The following STXBP5 variants were observed in gnomAD, a reference collection of about 807,000 sequenced individuals.
STXBP5 encodes the protein syntaxin binding protein 5.
In STXBP5, 50 loss-of-function variants were observed where a neutral mutation model predicts 152.4. The ratio of observed to expected loss-of-function variants is 0.33; its 90% confidence interval spans 0.26 to 0.42. STXBP5 has a LOEUF of 0.42. Among genes scored for constraint, STXBP5 ranks in the 10% least tolerant of loss-of-function variants. STXBP5 has a pLI of 1.00. For synonymous variants in STXBP5, 492 were observed against 494.7 expected, an observed-to-expected ratio of 0.99 and a Z score of 0.07; for missense variants, 1,167 against 1,388.6, an observed-to-expected ratio of 0.84 and a Z score of 2.54.
chr6:147,288,151 G>A (rs1327314741), intron 8 of STXBP5, among the ~76,000 whole-genome samples: 1 of 152,128 alleles, frequency 6.6e-6, no homozygotes, highest in Non-Finnish European at 1.5e-5. Context: ...TTAGGCAGCT[G>A]TAATACTTCC....
chr6:147,307,933 C>T (rs1336868455), intron 9 of STXBP5, among the ~76,000 whole-genome samples: 1 of 152,088 alleles, frequency 6.6e-6, no homozygotes, highest in African/African-American at 2.4e-5. Context: ...GGTTTGATCT[C>T]CCTGGGTGCT....
At chr6:147,314,211 G>A (rs1387683435) in intron 12 of STXBP5, 53 bp from the exon 13 acceptor site, 96 of 1,339,772 alleles carry the variant, frequency 7.2e-5, no homozygotes, top group Admixed American at 2.6e-4. Flanking sequence ...ACACACACAC[G>A]GAGGTATGTA....
chr6:147,251,787 C>T (rs1260974152), intron 4 of STXBP5, among the ~76,000 whole-genome samples: 1 of 152,096 alleles, frequency 6.6e-6, no homozygotes, highest in East Asian at 1.9e-4. Context: ...CCCCATGTAT[C>T]CTTACTGGGA....
chr6:147,231,314 C>T (rs1777995150), intron 2 of STXBP5, among the ~76,000 whole-genome samples: 1 of 151,736 alleles, frequency 6.6e-6, no homozygotes. Flanking sequence ...TCACATACAT[C>T]TTCTCTTCAT....
chr6:147,373,213 A>G (rs765515738), intron 25 of STXBP5, among the ~76,000 whole-genome samples: 19 of 151,852 alleles, frequency 1.3e-4, no homozygotes, highest in Admixed American at 2.6e-4. Context: ...ACAAAATACA[A>G]TAATTACCCA....
chr6:147,316,318 G>A lies in STXBP5; in HGVS notation c.1713G>A (p.Gly571=). 6.2e-7 allele frequency: 1 copy of A among 1,613,438 alleles called. No homozygotes were observed. The highest frequency in any genetic ancestry group is 1.1e-5 in the South Asian group (1 of 91,060). ...QPPPLPTPVG[G]SNPQPIPPQS... ...CACCTTTGCCAACACCCGTGGGAGG[G>A]TCCAACCCTCAGCCCATCCCTCCTC... The change falls in exon 16 of 28, where the codon GGG becomes GGA. Residue 571 remains glycine (G), a synonymous_variant. Coordinates refer to ENST00000321680, the MANE Select transcript of STXBP5 (RefSeq NM_001127715.4).
rs76786497 is a variant in STXBP5 at position 147,300,729 on chromosome 6, C to T, written c.918-9355C>T. On this transcript the variant is annotated intron_variant, in intron 9 of 27. Transcript: ENST00000321680. The stretch of plus-strand genomic sequence containing the variant: ...GGAAGAATACATGGGAAATGCTTCA[C>T]GATATGGGACTGGGCAAAGATTTTT... Among the ~76,000 whole-genome samples, 153 of 151,998 alleles carry T rather than the reference C, an allele frequency of 1.0e-3. 1 individual carries two copies. The highest frequency in any genetic ancestry group is 3.5e-3 in the African/African-American group (145 of 41,486).
chr6:147,307,145 A>G (rs1782134736), intron 9 of STXBP5, among the ~76,000 whole-genome samples: 1 of 152,310 alleles, frequency 6.6e-6, no homozygotes, highest in South Asian at 2.1e-4. Flanking sequence ...GAAGGTAATC[A>G]TTGGCAGAAA....
At chr6:147,214,049 A>G (rs1777034200) in intron 2 of STXBP5, among the ~76,000 whole-genome samples, 1 of 152,192 alleles carries the variant, frequency 6.6e-6, no homozygotes, top group African/African-American at 2.4e-5. Flanking sequence ...TCCCTTAGTC[A>G]TATGCAGCAC....
At chr6:147,330,009 T>C (rs1470960172) in intron 18 of STXBP5, among the ~76,000 whole-genome samples, 2 of 152,212 alleles carry the variant, frequency 1.3e-5, no homozygotes, top group African/African-American at 4.8e-5. Flanking sequence ...TTATAAAGAA[T>C]GTAGTTCACA....
intron 7 of STXBP5, among the ~76,000 whole-genome samples, chr6:147,273,676 G>C (rs1780290991): frequency 6.6e-6 from 1 of 152,146 alleles, no homozygotes; most frequent in South Asian, 2.1e-4. Flanking sequence ...TTGATGCCGG[G>C]CGTGGTGGCT....
chr6:147,211,600 G>T (rs367669964), intron 2 of STXBP5, among the ~76,000 whole-genome samples: 1 of 152,078 alleles, frequency 6.6e-6, no homozygotes, highest in South Asian at 2.1e-4. Flanking sequence ...TTGTTTGTTT[G>T]TTTATTTTGA....
At chr6:147,318,845 GT>G (rs1396751061) in intron 16 of STXBP5, among the ~76,000 whole-genome samples, 1 of 151,750 alleles carries the variant, frequency 6.6e-6, no homozygotes, top group Non-Finnish European at 1.5e-5. Context: ...TGATTTGATG[GT>G]TTTTTTTCCT....
chr6:147,210,611 C>CT (rs1776798506), intron 2 of STXBP5, among the ~76,000 whole-genome samples: 1 of 152,172 alleles, frequency 6.6e-6, no homozygotes. Flanking sequence ...GTTGCCTCCC[C>CT]TGTCAGTGTG....
chr6:147,357,349 T>G (rs768938772), intron 22 of STXBP5, among the ~76,000 whole-genome samples: 4 of 152,054 alleles, frequency 2.6e-5, no homozygotes, highest in Admixed American at 1.3e-4. Flanking sequence ...AAGTGCAGGT[T>G]ATGTTTGGAG....
chr6:147,379,064 A>G (rs752318398), intron 26 of STXBP5, among the ~76,000 whole-genome samples: 1 of 151,698 alleles, frequency 6.6e-6, no homozygotes, highest in East Asian at 1.9e-4. Context: ...ACAACCTTGC[A>G]TATCTCTATT....
At chr6:147,279,206 A>G (rs1780586458) in intron 8 of STXBP5, among the ~76,000 whole-genome samples, 1 of 152,198 alleles carries the variant, frequency 6.6e-6, no homozygotes. Flanking sequence ...CTTATAAGAA[A>G]TTTTTATTAT....
chr6:147,343,575 G>A (rs1784186584), intron 21 of STXBP5, among the ~76,000 whole-genome samples: 1 of 151,810 alleles, frequency 6.6e-6, no homozygotes, highest in South Asian at 2.1e-4. Flanking sequence ...GGCTTCTTGA[G>A]TCTTGTTTTA....
chr6:147,307,791 T>C (rs1426940863), intron 9 of STXBP5, among the ~76,000 whole-genome samples: 1 of 152,208 alleles, frequency 6.6e-6, no homozygotes, highest in African/African-American at 2.4e-5. Flanking sequence ...ACTGTTTCTC[T>C]TTTGTAAATA....
Sources: allele counts gnomAD v4.1 joint callset (sites outside exome capture counted in the v4.1 genomes callset), GRCh38; gene constraint gnomAD v4.1.1; transcripts MANE v1.5; gene names NCBI Gene and HGNC (gene_info 2026-07-23, HGNC 2026-07-21).